The following FTCDNL1 variants were observed in gnomAD, a reference collection of about 807,000 sequenced individuals.
The protein encoded by FTCDNL1 is formiminotransferase N-terminal subdomain-containing protein.
Under a neutral mutation model 5.9 loss-of-function variants are expected in FTCDNL1, and 11 were observed. The ratio of observed to expected loss-of-function variants is 1.87; its 90% confidence interval spans 1.18 to 3.10. The LOEUF is 3.10. FTCDNL1 is among the 30% of genes most tolerant of loss of function. The probability of loss-of-function intolerance (pLI) is 0.00; values close to 1 mark genes in which losing one functional copy is unlikely to be tolerated. For missense variants in FTCDNL1, 115 were observed against 65.5 expected, an observed-to-expected ratio of 1.76 and a Z score of -2.61; for synonymous variants, 58 against 24.8, an observed-to-expected ratio of 2.34 and a Z score of -3.99.
chr2:199,704,580 C>T, the FTCDNL1 span, among the ~76,000 whole-genome samples: 2 of 152,080 alleles, frequency 1.3e-5, no homozygotes, highest in Non-Finnish European at 2.9e-5. Flanking sequence ...CTCAAGGTGG[C>T]ACCTTGGAAA....
intron 4 of FTCDNL1, among the ~76,000 whole-genome samples, chr2:199,814,907 G>T (rs1418429412): frequency 6.6e-6 from 1 of 152,126 alleles, no homozygotes; most frequent in East Asian, 1.9e-4. Context: ...AAGTAAGCAG[G>T]AAAGTGCTCA....
intron 3 of FTCDNL1, among the ~76,000 whole-genome samples, chr2:199,775,912 CTTTTTTTTTTT>C (rs71019085): frequency 1.7e-5 from 2 of 117,746 alleles, no homozygotes; most frequent in Non-Finnish European, 3.7e-5. Flanking sequence ...GCAGGATCTC[CTTTTTTTTTTT>C]TTTTTTTTGA....
chr2:199,795,081 A>G (rs1253834340), intron 3 of FTCDNL1, among the ~76,000 whole-genome samples: 3 of 152,164 alleles, frequency 2.0e-5, no homozygotes, highest in Non-Finnish European at 4.4e-5. Flanking sequence ...TAGTTTCCCT[A>G]TTAGAGAAAA....
At chr2:199,682,144 T>C in the FTCDNL1 span, among the ~76,000 whole-genome samples, 4 of 152,166 alleles carry the variant, frequency 2.6e-5, no homozygotes, top group Non-Finnish European at 1.5e-5. Flanking sequence ...GAGATTAACA[T>C]GTACATCAGT....
chr2:199,670,670 AT>A, the FTCDNL1 span, among the ~76,000 whole-genome samples: 1 of 152,068 alleles, frequency 6.6e-6, no homozygotes, highest in African/African-American at 2.4e-5. Flanking sequence ...ATATGTATGT[AT>A]GTGTGTGTGT....
At chr2:199,727,136 G>C in the FTCDNL1 span, among the ~76,000 whole-genome samples, 2 of 152,138 alleles carry the variant, frequency 1.3e-5, no homozygotes, top group African/African-American at 2.4e-5. Flanking sequence ...AGGCCCCACT[G>C]GTGAGGAGGA....
chr2:199,759,154 T>TAC (rs374505935), downstream of FTCDNL1, among the ~76,000 whole-genome samples: 496 of 152,010 alleles, frequency 3.3e-3, 11 homozygotes, highest in African/African-American at 0.012. Context: ...TATATATATA[T>TAC]ACACATATGT....
intron 4 of FTCDNL1, among the ~76,000 whole-genome samples, chr2:199,813,932 A>G (rs970986483): frequency 2.7e-5 from 2 of 74,412 alleles, no homozygotes; most frequent in Non-Finnish European, 6.1e-5. Context: ...AAAAAAAAAA[A>G]AAAAAAAAAA....
chr2:199,764,792 T>G lies in FTCDNL1; in HGVS notation c.212-3957A>C, dbSNP rs182888214. On this transcript the variant is annotated intron_variant, in intron 3 of 3. Coordinates refer to the FTCDNL1 transcript ENST00000416668. Reference sequence around the variant, plus strand: ...CCTGGAATCCAGATGAGCTTTCTGTTGTGACTACTCTGCACAAATAGGACC... The same window carrying G: ...CCTGGAATCCAGATGAGCTTTCTGTGGTGACTACTCTGCACAAATAGGACC... Among the ~76,000 whole-genome samples, 8 of 152,318 alleles carry G rather than the reference T, an allele frequency of 5.3e-5. No homozygotes were observed. The East Asian group carries it at 1.5e-3, about 29-fold the overall frequency.
chr2:199,760,497 G>C (rs900295568), downstream of FTCDNL1: 24 of 311,388 alleles, frequency 7.7e-5, no homozygotes, highest in Non-Finnish European at 1.3e-4. Context: ...TTAACACCTT[G>C]TATATAAGAG....
downstream of FTCDNL1, among the ~76,000 whole-genome samples, chr2:199,807,882 A>G (rs1024540698): frequency 6.6e-6 from 1 of 152,144 alleles, no homozygotes; most frequent in Admixed American, 6.5e-5. Context: ...GGTTTGGATC[A>G]ATGTCTCCAC....
chr2:199,746,130 A>G, the FTCDNL1 span, among the ~76,000 whole-genome samples: 13 of 152,218 alleles, frequency 8.5e-5, no homozygotes, highest in Admixed American at 8.5e-4. Flanking sequence ...ATCAGTAATC[A>G]TCAGTGTCCC....
rs1226242059 is a variant in FTCDNL1, at chr2:199,799,033, A to T, written c.212-38198T>A. Among the ~76,000 whole-genome samples the T allele has an allele frequency of 3.3e-5, 5 of 152,282 alleles. No individual in the cohort carries two copies. The East Asian group carries it at 9.7e-4, about 29-fold the overall frequency. On this transcript the variant is annotated intron_variant, in intron 3 of 3. Coordinates refer to the FTCDNL1 transcript ENST00000416668. ...AGATATTTGTAACAGCTGAAAGGAA[A>T]TCCTGACACACCAGCCTCCAAAATC...
intron 3 of FTCDNL1, among the ~76,000 whole-genome samples, chr2:199,834,972 C>T (rs1423551721): frequency 6.6e-6 from 1 of 152,018 alleles, no homozygotes; most frequent in Non-Finnish European, 1.5e-5. Context: ...CCAGGAGTTC[C>T]AGACCAGCCT....
rs1043685072 is a variant in FTCDNL1 at position 199,812,470 on chromosome 2, A to G, written c.*235T>C. The G allele has an allele frequency of 3.4e-5, 15 of 436,102 alleles. No individual in the cohort carries two copies. The highest frequency in any genetic ancestry group is 3.1e-4 in the African/African-American group (15 of 49,142). 27.0% of individuals were successfully genotyped at this position (436,102 alleles called of 1,614,324 possible). A position where few individuals can be genotyped will look rare whatever the true frequency, so the allele number is the denominator to read the frequency against. On this transcript the variant is annotated 3_prime_UTR_variant, in exon 5 of 5. Transcript: ENST00000420128. ...GTTAATTTAAACCTACTAAGAAGGTATTTTAAATGAGAGAGATAATTAATC... is the reference window on the plus strand; with the variant it reads ...GTTAATTTAAACCTACTAAGAAGGTGTTTTAAATGAGAGAGATAATTAATC...
chr2:199,807,644 G>C (rs1197864801), downstream of FTCDNL1, among the ~76,000 whole-genome samples: 1 of 151,990 alleles, frequency 6.6e-6, no homozygotes, highest in East Asian at 1.9e-4. Flanking sequence ...CTCAGAAAAA[G>C]AAAATTATTT....
chr2:199,825,151 G>A (rs1397494774), intron 3 of FTCDNL1, among the ~76,000 whole-genome samples: 1 of 146,380 alleles, frequency 6.8e-6, no homozygotes, highest in Admixed American at 6.8e-5. Flanking sequence ...AAAAAAAAAA[G>A]AAAAAGAAAA....
At chr2:199,677,234 T>C in the FTCDNL1 span, among the ~76,000 whole-genome samples, 1 of 152,328 alleles carries the variant, frequency 6.6e-6, no homozygotes, top group Admixed American at 6.5e-5. Context: ...AAACCTAAAA[T>C]TGACAGCTTT....
the FTCDNL1 span, among the ~76,000 whole-genome samples, chr2:199,720,218 C>A: frequency 3.3e-5 from 5 of 152,136 alleles, no homozygotes; most frequent in Middle Eastern, 3.2e-3. Flanking sequence ...TTATGTTTTT[C>A]TCTTGCCAGG....
Sources: allele counts gnomAD v4.1 joint callset (sites outside exome capture counted in the v4.1 genomes callset), GRCh38; gene constraint gnomAD v4.1.1; transcripts MANE v1.5; gene names NCBI Gene and HGNC (gene_info 2026-07-23, HGNC 2026-07-21).